Variants in ALMS1 observed in about 807,000 individuals in gnomAD.
ALMS1 encodes centrosome-associated protein ALMS1.
ALMS1 carries 271 observed loss-of-function variants against 352.2 expected under a neutral mutation model. The ratio of observed to expected loss-of-function variants is 0.77; its 90% CI spans 0.70 to 0.85. The LOEUF is 0.85. Among genes scored for constraint, ALMS1 ranks in the 40% least tolerant of loss-of-function variants. ALMS1 has a pLI of 0.00. For synonymous variants in ALMS1, 1,865 were observed against 1,761.2 expected (o/e 1.06, Z -1.48); for missense variants, 5,445 against 4,870.7 (o/e 1.12, Z -3.51).
In ALMS1 at chr2:73,385,903, T is replaced by TGGAGGAGGAGGAGGA. The variant is rs55889738; in HGVS notation, c.60_74dup (p.Glu24_Glu28dup). ...GAGGATCTGCCATGGCCGGGCGAGCTGGAGGAGGAGGAGGAGGAGGAGGAG... is the reference window on the plus strand; with the variant it reads ...GAGGATCTGCCATGGCCGGGCGAGCTGGAGGAGGAGGAGGAGGAGGAGGAGGAGGAGGAGGAGGAG... On this transcript the variant is annotated inframe_insertion, in exon 1 of 23. Coordinates refer to ENST00000613296, the MANE Select transcript of ALMS1 (RefSeq NM_001378454.1). The TGGAGGAGGAGGAGGA allele has an allele frequency of 3.8e-4, 266 of 701,350 alleles. No homozygotes were observed. The highest frequency in any genetic ancestry group is 3.7e-3 in the East Asian group (129 of 35,240). The allele number at this position is 701,350 out of a possible 1,614,324, so 43.4% of individuals were successfully genotyped here. A position where few individuals can be genotyped will look rare whatever the true frequency, so the allele number is the denominator to read the frequency against.
Position 73,591,838 on chromosome 2 carries a change from G to A in ALMS1, c.11548-7563G>A, listed in dbSNP as rs535675412. Among the ~76,000 whole-genome samples the A allele has an allele frequency of 7.9e-5, 12 of 152,216 alleles. 1 individual carries two copies. Among genetic ancestry groups the A allele is most frequent in the Admixed American group, 7.8e-4 (12 of 15,302 alleles). On this transcript the variant is annotated intron_variant, in intron 16 of 22. Transcript: ENST00000613296. ...TTCAAAGCTGATAGAAAAACCTTTG[G>A]GAAACATGCTGTCTCGCTCTATCAC...
At chr2:73,484,691 C>T (rs1291038526) in intron 9 of ALMS1, among the ~76,000 whole-genome samples, 2 of 152,126 alleles carry the variant, frequency 1.3e-5, no homozygotes, top group Non-Finnish European at 2.9e-5. Context: ...GTTCCATTCT[C>T]CCCATCACTT....
At chr2:73,501,743 T>C (rs572798178) in intron 10 of ALMS1, among the ~76,000 whole-genome samples, 1 of 152,274 alleles carries the variant, frequency 6.6e-6, no homozygotes, top group Admixed American at 6.5e-5. Flanking sequence ...ACCTTGTTTT[T>C]GTTTTCAAAA....
chr2:73,514,123 G>GCAT (rs1241607761), intron 10 of ALMS1, among the ~76,000 whole-genome samples: 1 of 152,060 alleles, frequency 6.6e-6, no homozygotes, highest in Non-Finnish European at 1.5e-5. Flanking sequence ...ACAGTAAAGT[G>GCAT]CATCACTTGT....
rs779030802 is a variant in ALMS1, at chr2:73,452,203, C to A, written c.5676C>A (p.Ser1892=). The change falls in exon 8 of 23, where the codon TCC becomes TCA. Residue 1892 remains serine (S), a synonymous_variant. Transcript: ENST00000613296. ...ADQKTGIQIA[S]SSSYSNREKA... ...AGAAGACTGGGATACAAATAGCATC[C>A]TCTAGTTCCTACTCAAATAGAGAGA... 1.1e-5 allele frequency: 17 copies of A among 1,613,868 alleles called. No individual in the cohort carries two copies. The highest frequency in any genetic ancestry group is 1.4e-5 in the Non-Finnish European group (17 of 1,180,016).
chr2:73,589,825 T>C (rs1675387101), intron 16 of ALMS1, among the ~76,000 whole-genome samples: 1 of 152,216 alleles, frequency 6.6e-6, no homozygotes, highest in South Asian at 2.1e-4. Flanking sequence ...TGTCCCCTTA[T>C]GCGTCTGTCT....
Position 73,520,049 on chromosome 2 carries a change from G to C in ALMS1, c.9781+33G>C, listed in dbSNP as rs188729768. On this transcript the variant is annotated intron_variant, in intron 11 of 22. Coordinates refer to ENST00000613296, the MANE Select transcript of ALMS1 (RefSeq NM_001378454.1). ...AATGTGATTGCATTTTAGATTGTTAGACCAGCTCTTTTGTGTAGTTATCTT... is the reference window on the plus strand; with the variant it reads ...AATGTGATTGCATTTTAGATTGTTACACCAGCTCTTTTGTGTAGTTATCTT... 40 of 1,613,654 alleles carry C rather than the reference G, an allele frequency of 2.5e-5. No homozygotes were observed. The African/African-American group carries it at 5.1e-4, about 20-fold the overall frequency.
At chr2:73,560,395 A>G (rs1448629677) in intron 15 of ALMS1, among the ~76,000 whole-genome samples, 1 of 152,180 alleles carries the variant, frequency 6.6e-6, no homozygotes, top group Non-Finnish European at 1.5e-5. Context: ...AAAAATAGCA[A>G]ATGTTCGTGA....
chr2:73,432,714 C>G (rs1463063671), intron 7 of ALMS1, among the ~76,000 whole-genome samples: 3 of 151,806 alleles, frequency 2.0e-5, no homozygotes, highest in African/African-American at 7.3e-5. Context: ...AAAGCCTTAC[C>G]TCCTTAATTT....
chr2:73,587,718 G>A (rs1053536302), intron 16 of ALMS1, among the ~76,000 whole-genome samples: 1 of 152,042 alleles, frequency 6.6e-6, no homozygotes, highest in African/African-American at 2.4e-5. Context: ...TGTTCATCAG[G>A]GATATTGGTC....
At chr2:73,508,507 G>A (rs1387670651) in intron 10 of ALMS1, among the ~76,000 whole-genome samples, 2 of 152,066 alleles carry the variant, frequency 1.3e-5, no homozygotes, top group East Asian at 3.9e-4. Flanking sequence ...ACCCGGCTGA[G>A]TGAGTTTCTT....
At chr2:73,580,294 C>A (rs1675147333) in intron 16 of ALMS1, among the ~76,000 whole-genome samples, 1 of 152,208 alleles carries the variant, frequency 6.6e-6, no homozygotes, top group African/African-American at 2.4e-5. Flanking sequence ...TTTCACCTAT[C>A]TTCACCTATC....
chr2:73,420,023 G>A (rs1572911619), intron 3 of ALMS1, among the ~76,000 whole-genome samples: 1 of 152,186 alleles, frequency 6.6e-6, no homozygotes, highest in Admixed American at 6.5e-5. Flanking sequence ...GATTATTAAA[G>A]TCAATTTTAG....
intron 11 of ALMS1, among the ~76,000 whole-genome samples, chr2:73,533,920 AG>A (rs1245129086): frequency 6.6e-6 from 1 of 152,222 alleles, no homozygotes; most frequent in Non-Finnish European, 1.5e-5. Context: ...CTTTGTAAAA[AG>A]AATTTACCTT....
chr2:73,572,237 C>T (rs371520881), intron 15 of ALMS1, 25 bp from the exon 16 acceptor site: 10 of 1,590,768 alleles, frequency 6.3e-6, no homozygotes, highest in Non-Finnish European at 8.6e-6. Flanking sequence ...TAAGTTCTTT[C>T]AAAATCTTTT....
chr2:73,426,623 G>A (rs1671385214), intron 6 of ALMS1, 70 bp downstream of exon 6: 25 of 1,493,850 alleles, frequency 1.7e-5, no homozygotes, highest in Non-Finnish European at 2.3e-5. Flanking sequence ...AAATGGTATT[G>A]TTTGTTTTTA....
At chr2:73,542,251 G>A (rs1674201235) in intron 12 of ALMS1, among the ~76,000 whole-genome samples, 1 of 152,204 alleles carries the variant, frequency 6.6e-6, no homozygotes, top group African/African-American at 2.4e-5. Context: ...CATATAAACG[G>A]AACCAAAGAC....
intron 9 of ALMS1, chr2:73,470,859 G>A (rs1572953455): frequency 6.6e-6 from 1 of 151,672 alleles, no homozygotes; most frequent in East Asian, 1.9e-4. Flanking sequence ...GACCTTCTTT[G>A]TCTCTTGGGA....
intron 4 of ALMS1, among the ~76,000 whole-genome samples, chr2:73,423,639 A>G (rs1671324798): frequency 6.6e-6 from 1 of 152,184 alleles, no homozygotes; most frequent in Non-Finnish European, 1.5e-5. Context: ...CTCTGTCCTT[A>G]TACTATATAT....
Sources: allele counts gnomAD v4.1 joint callset (sites outside exome capture counted in the v4.1 genomes callset), GRCh38; gene constraint gnomAD v4.1.1; transcripts MANE v1.5; gene names NCBI Gene and HGNC (gene_info 2026-07-23, HGNC 2026-07-21).